Variants in AGXT2 observed in about 807,000 individuals in gnomAD.
AGXT2 encodes the protein alanine--glyoxylate aminotransferase 2.
Under a neutral mutation model 62.5 loss-of-function variants are expected in AGXT2, and 61 were observed. The observed-to-expected ratio is 0.98, with a 90% confidence interval of 0.79 to 1.21. The LOEUF (loss-of-function observed/expected upper bound fraction) is 1.21. AGXT2 is among the 50% of genes most tolerant of loss of function. The probability of loss-of-function intolerance (pLI) is 0.00; values close to 1 mark genes in which losing one functional copy is unlikely to be tolerated. For synonymous variants in AGXT2, 243 were observed against 218.7 expected, an observed-to-expected ratio of 1.11 and a Z score of -0.98; for missense variants, 666 against 641.5, an observed-to-expected ratio of 1.04 and a Z score of -0.41.
intron 9 of AGXT2, among the ~76,000 whole-genome samples, chr5:35,015,193 G>A (rs1431825783): frequency 6.6e-6 from 1 of 152,248 alleles, no homozygotes; most frequent in Non-Finnish European, 1.5e-5. Flanking sequence ...TGGGAAGGCT[G>A]CCATAGAGAC....
chr5:35,029,753 G>A (rs2112255257), intron 7 of AGXT2, among the ~76,000 whole-genome samples: 1 of 152,318 alleles, frequency 6.6e-6, no homozygotes, highest in Admixed American at 6.5e-5. Context: ...ACATTGTGGG[G>A]GCAGTAGGTG....
At chr5:35,001,683 C>T (rs953642187) in intron 13 of AGXT2, among the ~76,000 whole-genome samples, 2 of 152,174 alleles carry the variant, frequency 1.3e-5, no homozygotes, top group South Asian at 2.1e-4. Flanking sequence ...TTTGCACCAG[C>T]CACATCTGTG....
In AGXT2 at chr5:35,026,395, G is replaced by A. The variant is rs1469045279; in HGVS notation, c.870+15C>T. ...AAGATTCAGCTCCATTAATGTCTAA[G>A]GTTCATATACCCACTTGAATAGGTT... On this transcript the variant is annotated intron_variant, in intron 8 of 13. Transcript: ENST00000231420. The A allele has an allele frequency of 6.2e-7, 1 of 1,602,176 alleles. No individual in the cohort carries two copies. The highest frequency in any genetic ancestry group is 8.6e-7 in the Non-Finnish European group (1 of 1,169,260).
At chr5:35,024,949 A>G (rs968837337) in intron 9 of AGXT2, among the ~76,000 whole-genome samples, 14 of 152,144 alleles carry the variant, frequency 9.2e-5, no homozygotes, top group African/African-American at 3.1e-4. Context: ...CAGCCTGGGC[A>G]ACAAGAAAGA....
chr5:35,025,431 C>T (rs1767296726), intron 9 of AGXT2, among the ~76,000 whole-genome samples: 1 of 152,072 alleles, frequency 6.6e-6, no homozygotes, highest in African/African-American at 2.4e-5. Context: ...ATTAAATTTC[C>T]TATGATGTTT....
intron 13 of AGXT2, among the ~76,000 whole-genome samples, chr5:34,999,860 G>A (rs1417011344): frequency 1.3e-5 from 2 of 152,072 alleles, no homozygotes; most frequent in Non-Finnish European, 2.9e-5. Context: ...GTCCACCTAT[G>A]CCCTTGACCC....
intron 1 of AGXT2, among the ~76,000 whole-genome samples, chr5:35,043,082 A>G (rs530661134): frequency 2.6e-5 from 4 of 152,346 alleles, no homozygotes; most frequent in African/African-American, 9.6e-5. Context: ...TAATTCTCAC[A>G]GAGTTCTATA....
chr5:35,003,899 TGGA>T, intron 12 of AGXT2, 38 bp from the exon 13 acceptor site: 1 of 1,593,068 alleles, frequency 6.3e-7, no homozygotes, highest in Non-Finnish European at 8.6e-7. Flanking sequence ...TATTTGGTGT[TGGA>T]ATGGTTAAAG....
chr5:35,006,416 C>G (rs1218630254), intron 12 of AGXT2, among the ~76,000 whole-genome samples: 1 of 152,144 alleles, frequency 6.6e-6, no homozygotes, highest in African/African-American at 2.4e-5. Context: ...CTCCAGCACC[C>G]GCTTCTAGTG....
At chr5:35,032,150 A>T (rs1767585225) in intron 7 of AGXT2, among the ~76,000 whole-genome samples, 1 of 150,594 alleles carries the variant, frequency 6.6e-6, no homozygotes, top group African/African-American at 2.4e-5. Flanking sequence ...ACACCATTTC[A>T]CCATGTTGGC....
At position 35,035,330 on chromosome 5, in the gene AGXT2, G is replaced by A; in HGVS notation, c.487-14C>T. The A allele has an allele frequency of 6.2e-7, 1 of 1,605,304 alleles. No homozygotes were observed. The highest frequency in any genetic ancestry group is 1.1e-5 in the South Asian group (1 of 90,908). On this transcript the variant is annotated splice_polypyrimidine_tract_variant and intron_variant, in intron 4 of 13. Coordinates refer to ENST00000231420, the MANE Select transcript of AGXT2 (RefSeq NM_031900.4). The stretch of plus-strand genomic sequence containing the variant: ...CAAGAAAATGACCTGGAGAGGAAAG[G>A]AAGACACGTGGCCTCATAATTTATT...
chr5:35,022,950 C>T (rs1191776151), intron 9 of AGXT2, among the ~76,000 whole-genome samples: 1 of 150,904 alleles, frequency 6.6e-6, no homozygotes, highest in Admixed American at 6.6e-5. Context: ...GGAAAGTTAG[C>T]ATAAAAGAGT....
intron 7 of AGXT2, among the ~76,000 whole-genome samples, chr5:35,030,309 A>G (rs535932451): frequency 7.3e-4 from 111 of 152,166 alleles, no homozygotes; most frequent in Non-Finnish European, 1.4e-3. Flanking sequence ...GGAGTTCGAG[A>G]CCAGCCTGGC....
At chr5:35,020,472 C>A (rs1767026285) in intron 9 of AGXT2, among the ~76,000 whole-genome samples, 1 of 152,230 alleles carries the variant, frequency 6.6e-6, no homozygotes, top group South Asian at 2.1e-4. Flanking sequence ...AAGACAAAAA[C>A]CACATGATTA....
At chr5:35,039,790 A>G (rs1241189656) in intron 2 of AGXT2, among the ~76,000 whole-genome samples, 1 of 152,226 alleles carries the variant, frequency 6.6e-6, no homozygotes, top group Non-Finnish European at 1.5e-5. Context: ...GATTTTAACT[A>G]TGAAAAAAAT....
chr5:35,033,486 G>C lies in AGXT2; in HGVS notation c.649C>G (p.Leu217Val), dbSNP rs777600425. The C allele has an allele frequency of 1.2e-6, 2 of 1,613,652 alleles. No individual in the cohort carries two copies. Among genetic ancestry groups the C allele is most frequent in the East Asian group, 4.5e-5 (2 of 44,842 alleles). The change falls in exon 6 of 14, where the codon CTC becomes GTC. Residue 217 changes from leucine to valine, a missense_variant. Coordinates refer to ENST00000231420, the MANE Select transcript of AGXT2 (RefSeq NM_031900.4). ...GGTTGGCAACCTGTCCCACCAGGGA[G>C]TTCCATCTTGTAGGTCCCTACGTTT... The part of the protein sequence containing the change: ...LTNVGTYKME[L>V]PGGTGCQPTM...
intron 11 of AGXT2, among the ~76,000 whole-genome samples, chr5:35,011,717 T>C (rs1766647719): frequency 6.6e-6 from 1 of 152,082 alleles, no homozygotes; most frequent in South Asian, 2.1e-4. Context: ...TATGGAGATT[T>C]CTAAAAGAAC....
chr5:35,014,889 C>T (rs928654503), intron 9 of AGXT2, among the ~76,000 whole-genome samples: 1 of 152,148 alleles, frequency 6.6e-6, no homozygotes, highest in Non-Finnish European at 1.5e-5. Flanking sequence ...TGCTCCAGCC[C>T]AGTTAAACTG....
chr5:35,039,241 A>G, intron 3 of AGXT2, 83 bp downstream of exon 3: 2 of 1,469,202 alleles, frequency 1.4e-6, no homozygotes, highest in Non-Finnish European at 1.9e-6. Flanking sequence ...AAGATAAGCA[A>G]ATCAAGAGTT....
Sources: gnomAD v4.1 joint callset for allele counts (sites outside exome capture counted in the v4.1 genomes callset) on GRCh38, gnomAD v4.1.1 for gene constraint, MANE v1.5 for transcripts, NCBI Gene and HGNC (gene_info 2026-07-23, HGNC 2026-07-21) for gene names.